Variants in NRF1 observed in about 807,000 individuals in gnomAD.
NRF1 encodes the protein alpha palindromic-binding protein.
NRF1 carries 5 observed loss-of-function variants against 58.5 expected under a neutral mutation model. That is an observed-to-expected ratio of 0.09 (90% CI 0.04 to 0.18). The LOEUF (loss-of-function observed/expected upper bound fraction) is 0.18, where lower values mean the gene tolerates loss of function less well. NRF1 is among the 10% of genes least tolerant of loss of function. The probability of loss-of-function intolerance (pLI) is 1.00; values close to 1 mark genes in which losing one functional copy is unlikely to be tolerated. For missense variants in NRF1, 288 were observed against 657.7 expected, an observed-to-expected ratio of 0.44 and a Z score of 6.15; for synonymous variants, 224 against 246.7, an observed-to-expected ratio of 0.91 and a Z score of 0.86.
intron 2 of NRF1, among the ~76,000 whole-genome samples, chr7:129,664,861 G>T (rs191503596): frequency 1.2e-3 from 177 of 152,340 alleles, no homozygotes; most frequent in Middle Eastern, 3.4e-3. Flanking sequence ...GCACAAGGCA[G>T]GCAAGAGTTT....
intron 4 of NRF1, among the ~76,000 whole-genome samples, chr7:129,685,556 AGTGTGTGTGTGTGTGTGTGTGTGTGTGT>A (rs67721424): frequency 2.7e-4 from 39 of 143,098 alleles, no homozygotes; most frequent in African/African-American, 9.3e-4. Flanking sequence ...GTCTCATTCA[AGTGTGTGTGTGTGTGTGTGTGTGTGTGT>A]GTGTGTGTGT....
chr7:129,699,468 C>T (rs1043577326), intron 5 of NRF1, among the ~76,000 whole-genome samples: 3 of 152,112 alleles, frequency 2.0e-5, no homozygotes, highest in African/African-American at 7.2e-5. Flanking sequence ...AATACCAACA[C>T]TTTAGAAGGC....
At chr7:129,659,236 G>A (rs1801728912) in intron 2 of NRF1, among the ~76,000 whole-genome samples, 1 of 151,938 alleles carries the variant, frequency 6.6e-6, no homozygotes, top group African/African-American at 2.4e-5. Flanking sequence ...GCGTCACCAT[G>A]CCCAGCTAAT....
At chr7:129,698,510 G>A (rs1260968017) in intron 5 of NRF1, among the ~76,000 whole-genome samples, 1 of 152,082 alleles carries the variant, frequency 6.6e-6, no homozygotes, top group Non-Finnish European at 1.5e-5. Context: ...CTTAGCAAAA[G>A]GGATCCTTAG....
chr7:129,674,870 G>T (rs895823298), intron 3 of NRF1, among the ~76,000 whole-genome samples: 4 of 152,134 alleles, frequency 2.6e-5, no homozygotes, highest in South Asian at 2.1e-4. Context: ...CTGAAGGTTG[G>T]GGTGGCTGCG....
rs1238991701 is a variant in NRF1 at position 129,683,316 on chromosome 7, TGTGTGA to T, written c.465+5560_465+5565del. Among the ~76,000 whole-genome samples the T allele has an allele frequency of 7.0e-4, 99 of 141,150 alleles. No homozygotes were observed. The East Asian group carries it at 0.016, about 23-fold the overall frequency. The allele number at this position is 141,150 out of a possible 152,430, so 92.6% of individuals were successfully genotyped here. A position where few individuals can be genotyped will look rare whatever the true frequency, so the allele number is the denominator to read the frequency against. On this transcript the variant is annotated intron_variant, in intron 4 of 10. Coordinates refer to ENST00000393232, the MANE Select transcript of NRF1 (RefSeq NM_005011.5). ...GTGTGTGTGTGTGTGTGTGTGTGTG[TGTGTGA>T]GAGAGAGAGAGAGAGAGAGAGAGAA... is the stretch of plus-strand genomic sequence containing the variant.
chr7:129,693,815 G>A lies in NRF1; in HGVS notation c.606+3269G>A, dbSNP rs1167327663. 2.0e-5 allele frequency among the ~76,000 whole-genome samples: 3 copies of A among 152,160 alleles called. No homozygotes were observed. The East Asian group carries it at 5.8e-4, about 29-fold the overall frequency. Reference sequence around the variant, plus strand: ...GATGTAAAGTACATCTACTGCCTAAGCCTTTGGTTTCTAATACTGTGTTAG... The same window carrying A: ...GATGTAAAGTACATCTACTGCCTAAACCTTTGGTTTCTAATACTGTGTTAG... On this transcript the variant is annotated intron_variant, in intron 5 of 10. Coordinates refer to ENST00000393232, the MANE Select transcript of NRF1 (RefSeq NM_005011.5).
intron 2 of NRF1, among the ~76,000 whole-genome samples, chr7:129,665,086 G>A (rs1178069110): frequency 6.6e-6 from 1 of 152,236 alleles, no homozygotes; most frequent in Non-Finnish European, 1.5e-5. Context: ...TCTCTGAGGA[G>A]GAAGGTTGTG....
At chr7:129,619,480 GTGTGTGTGTGTATATA>G (rs1406007214) in intron 1 of NRF1, among the ~76,000 whole-genome samples, 4 of 30,810 alleles carry the variant, frequency 1.3e-4, no homozygotes, top group African/African-American at 1.4e-4. Flanking sequence ...GTGTGTGTGT[GTGTGTGTGTGTATATA>G]TATATATATA....
intron 9 of NRF1, among the ~76,000 whole-genome samples, chr7:129,721,824 CAT>C (rs1803333934): frequency 6.6e-6 from 1 of 152,074 alleles, no homozygotes; most frequent in African/African-American, 2.4e-5. Context: ...TAAAATTAGA[CAT>C]ATTATTAAAA....
intron 5 of NRF1, among the ~76,000 whole-genome samples, chr7:129,696,661 T>G (rs1177507607): frequency 2.0e-5 from 3 of 152,222 alleles, no homozygotes; most frequent in Admixed American, 6.5e-5. Flanking sequence ...ACCAGACAAC[T>G]CTATTAATCA....
chr7:129,728,829 C>T (rs1271109033), intron 10 of NRF1, among the ~76,000 whole-genome samples: 1 of 149,392 alleles, frequency 6.7e-6, no homozygotes, highest in Non-Finnish European at 1.5e-5. Context: ...GGGAAAGAGG[C>T]TTTTGTGCTT....
chr7:129,673,612 G>A (rs1186002829), intron 3 of NRF1, among the ~76,000 whole-genome samples: 1 of 150,924 alleles, frequency 6.6e-6, no homozygotes, highest in East Asian at 2.0e-4. Context: ...AGCTACTCGG[G>A]AGGCTGAGGC....
intron 10 of NRF1, among the ~76,000 whole-genome samples, chr7:129,729,794 C>T (rs1472358215): frequency 6.6e-6 from 1 of 152,110 alleles, no homozygotes; most frequent in Admixed American, 6.5e-5. Flanking sequence ...TTTCATCATT[C>T]TTTCGGATTC....
At chr7:129,683,986 T>G (rs879281764) in intron 4 of NRF1, among the ~76,000 whole-genome samples, 8 of 152,084 alleles carry the variant, frequency 5.3e-5, no homozygotes, top group Non-Finnish European at 1.0e-4. Flanking sequence ...ACAAAAATGA[T>G]AACCAAAAAT....
At chr7:129,721,856 A>G (rs887860407) in intron 9 of NRF1, among the ~76,000 whole-genome samples, 1 of 152,144 alleles carries the variant, frequency 6.6e-6, no homozygotes, top group Admixed American at 6.5e-5. Context: ...GCTTTTATAT[A>G]CGGAGTGATA....
chr7:129,623,228 C>A (rs80256694), intron 1 of NRF1, among the ~76,000 whole-genome samples: 4,000 of 152,182 alleles, frequency 0.026, 62 homozygotes, highest in Middle Eastern at 0.075. Context: ...GCTAAGATTT[C>A]TATTTGCAGG....
intron 1 of NRF1, among the ~76,000 whole-genome samples, chr7:129,615,836 C>G (rs565263123): frequency 5.9e-5 from 9 of 152,208 alleles, no homozygotes; most frequent in African/African-American, 2.2e-4. Context: ...GGTAAACAGA[C>G]TGGAAGATAA....
chr7:129,686,977 T>A (rs1469220277), intron 4 of NRF1, among the ~76,000 whole-genome samples: 2 of 152,212 alleles, frequency 1.3e-5, no homozygotes, highest in African/African-American at 4.8e-5. Flanking sequence ...AGAATTTTTA[T>A]TTTCTACTTA....
Sources: gnomAD v4.1 joint callset for allele counts (sites outside exome capture counted in the v4.1 genomes callset) on GRCh38, gnomAD v4.1.1 for gene constraint, MANE v1.5 for transcripts, NCBI Gene and HGNC (gene_info 2026-07-23, HGNC 2026-07-21) for gene names.